The following LDAH variants were observed in gnomAD, a reference collection of about 807,000 sequenced individuals.
The protein encoded by LDAH is lipid droplet associated hydrolase.
Under a neutral mutation model 29.6 loss-of-function variants are expected in LDAH, and 26 were observed. That is an observed-to-expected ratio of 0.88 (90% CI 0.64 to 1.22). The LOEUF is 1.22. LDAH is among the 50% of genes most tolerant of loss of function. LDAH has a pLI of 0.00. For synonymous variants in LDAH, 117 were observed against 133.0 expected, an observed-to-expected ratio of 0.88 and a Z score of 0.83; for missense variants, 344 against 387.3, an observed-to-expected ratio of 0.89 and a Z score of 0.94.
intron 4 of LDAH, among the ~76,000 whole-genome samples, chr2:20,742,238 T>C (rs1202463907): frequency 6.6e-6 from 1 of 152,218 alleles, no homozygotes; most frequent in African/African-American, 2.4e-5. Context: ...TTGGTGAATG[T>C]TCCACGTGAT....
intron 5 of LDAH, among the ~76,000 whole-genome samples, chr2:20,719,277 T>A (rs999049409): frequency 7.3e-6 from 1 of 136,246 alleles, no homozygotes; most frequent in Non-Finnish European, 1.6e-5. Flanking sequence ...AAAACCCAAA[T>A]AGGTAAAATC....
intron 5 of LDAH, among the ~76,000 whole-genome samples, chr2:20,728,356 C>T (rs1470370183): frequency 6.6e-6 from 1 of 152,150 alleles, no homozygotes; most frequent in African/African-American, 2.4e-5. Context: ...ACCAGATTCC[C>T]AGCTGGGAAT....
Position 20,783,824 on chromosome 2 carries a change from A to G in LDAH, c.298+6431T>C, listed in dbSNP as rs534764762. Among the ~76,000 whole-genome samples, 14 of 152,242 alleles carry G rather than the reference A, an allele frequency of 9.2e-5. No homozygotes were observed. In the East Asian group the frequency reaches 2.7e-3, roughly 30 times the overall value. The stretch of plus-strand genomic sequence containing the variant: ...CCTCCCGAGTTCAAGTGATCTGCCC[A>G]CCTCAGCCTCCTGAGTAGGCTGAAC... On this transcript the variant is annotated intron_variant, in intron 3 of 6. Coordinates refer to ENST00000237822, the MANE Select transcript of LDAH (RefSeq NM_021925.4).
intron 5 of LDAH, among the ~76,000 whole-genome samples, chr2:20,709,336 TA>T (rs1214309802): frequency 6.6e-6 from 1 of 152,150 alleles, no homozygotes; most frequent in Non-Finnish European, 1.5e-5. Flanking sequence ...TCCCATATCC[TA>T]AACACTTCTC....
chr2:20,685,122 G>A lies in LDAH; in HGVS notation c.*1781C>T, dbSNP rs1662467350. The A allele has an allele frequency of 1.2e-5, 8 of 650,380 alleles. No individual in the cohort carries two copies. The highest frequency in any genetic ancestry group is 3.8e-5 in the Admixed American group (1 of 26,560). The allele number at this position is 650,380 out of a possible 1,614,324, so 40.3% of individuals were successfully genotyped here. On this transcript the variant is annotated 3_prime_UTR_variant, in exon 7 of 7. Coordinates refer to ENST00000237822, the MANE Select transcript of LDAH (RefSeq NM_021925.4). ...CAGATGATAAATAGGAATTAAGAAT[G>A]AGTATCTTTCTTAGGCTCTAAAAAC...
chr2:20,803,011 A>G (rs565828581), intron 1 of LDAH, among the ~76,000 whole-genome samples: 7 of 152,176 alleles, frequency 4.6e-5, no homozygotes, highest in Non-Finnish European at 8.8e-5. Flanking sequence ...AGATTTCTCT[A>G]TTGCAGTGGT....
At chr2:20,743,137 T>C (rs910695601) in intron 4 of LDAH, among the ~76,000 whole-genome samples, 1 of 152,164 alleles carries the variant, frequency 6.6e-6, no homozygotes, top group East Asian at 1.9e-4. Flanking sequence ...CATTTGTCAT[T>C]ATTTTCTATT....
intron 5 of LDAH, among the ~76,000 whole-genome samples, chr2:20,715,004 A>T (rs1665053406): frequency 6.6e-6 from 1 of 152,218 alleles, no homozygotes; most frequent in Non-Finnish European, 1.5e-5. Context: ...TCAATAGAAA[A>T]AGAGGGAATC....
intron 5 of LDAH, among the ~76,000 whole-genome samples, chr2:20,738,728 GA>G (rs1372297563): frequency 2.7e-5 from 4 of 147,584 alleles, no homozygotes; most frequent in African/African-American, 9.8e-5. Flanking sequence ...GTATATTAAA[GA>G]ATGGAAATTG....
At chr2:20,764,083 T>C (rs1417137129) in intron 4 of LDAH, among the ~76,000 whole-genome samples, 2 of 152,088 alleles carry the variant, frequency 1.3e-5, no homozygotes, top group Non-Finnish European at 2.9e-5. Flanking sequence ...TTTAAAAAAA[T>C]ACACAGATAA....
rs147399527 is a variant in LDAH, at chr2:20,730,981, C to T, written c.703+8990G>A. Among the ~76,000 whole-genome samples the T allele has an allele frequency of 5.8e-3, 886 of 152,318 alleles. 5 individuals are homozygous for T. The highest frequency in any genetic ancestry group is 0.02 in the African/African-American group (834 of 41,574). ...AATCTTGCAACCAGACAGACTCACT[C>T]CTTCCACTTTATTCTTCTTTTACAA... is the stretch of plus-strand genomic sequence containing the variant. On this transcript the variant is annotated intron_variant, in intron 5 of 6. Transcript: ENST00000237822.
chr2:20,782,176 C>T (rs1182525755), intron 3 of LDAH, among the ~76,000 whole-genome samples: 3 of 152,144 alleles, frequency 2.0e-5, no homozygotes, highest in Non-Finnish European at 4.4e-5. Flanking sequence ...AATGCAAATT[C>T]TCAGGTCCCA....
At chr2:20,799,130 T>C (rs1455682338) in intron 2 of LDAH, among the ~76,000 whole-genome samples, 1 of 151,432 alleles carries the variant, frequency 6.6e-6, no homozygotes, top group East Asian at 2.0e-4. Context: ...ATGAGGCTGA[T>C]ACAGGAGAAT....
intron 2 of LDAH, among the ~76,000 whole-genome samples, chr2:20,798,013 C>T (rs1038944072): frequency 1.3e-5 from 2 of 151,986 alleles, no homozygotes; most frequent in Admixed American, 1.3e-4. Flanking sequence ...ATACAAAAGG[C>T]GAAAATCAGA....
chr2:20,764,438 A>G (rs1668893358), intron 4 of LDAH, among the ~76,000 whole-genome samples: 1 of 152,162 alleles, frequency 6.6e-6, no homozygotes, highest in Admixed American at 6.5e-5. Context: ...GAATCCTCCA[A>G]TTTCCTTCAT....
intron 4 of LDAH, among the ~76,000 whole-genome samples, chr2:20,744,567 G>T (rs1264372797): frequency 6.6e-6 from 1 of 152,034 alleles, no homozygotes; most frequent in Non-Finnish European, 1.5e-5. Context: ...CTTGGGTCAG[G>T]CTCTAATAAT....
At chr2:20,744,922 T>C (rs1275225530) in intron 4 of LDAH, among the ~76,000 whole-genome samples, 1 of 152,192 alleles carries the variant, frequency 6.6e-6, no homozygotes, top group Non-Finnish European at 1.5e-5. Flanking sequence ...CTCTAGTAAC[T>C]TGTGGCTCTC....
intron 3 of LDAH, among the ~76,000 whole-genome samples, chr2:20,776,431 A>G (rs1360880963): frequency 1.3e-5 from 2 of 152,114 alleles, no homozygotes; most frequent in Non-Finnish European, 2.9e-5. Flanking sequence ...CTACTTTACA[A>G]TTCAGGTCTT....
chr2:20,761,695 A>G (rs1197159894), intron 4 of LDAH, among the ~76,000 whole-genome samples: 1 of 152,174 alleles, frequency 6.6e-6, no homozygotes, highest in Admixed American at 6.5e-5. Context: ...TACAATGTTC[A>G]CTATTTGGGT....
Sources: gnomAD v4.1 joint callset for allele counts (sites outside exome capture counted in the v4.1 genomes callset) on GRCh38, gnomAD v4.1.1 for gene constraint, MANE v1.5 for transcripts, NCBI Gene and HGNC (gene_info 2026-07-23, HGNC 2026-07-21) for gene names.